The following FBF1 variants were observed in gnomAD, a reference collection of about 807,000 sequenced individuals.
FBF1 encodes Fas binding factor 1, also known as fas-binding factor 1.
Under a neutral mutation model 147.2 loss-of-function variants are expected in FBF1, and 119 were observed. The ratio of observed to expected loss-of-function variants is 0.81; its 90% CI spans 0.70 to 0.94. The LOEUF is 0.94. Ranked by LOEUF, FBF1 falls within the 40% of genes least tolerant of loss-of-function variation. The pLI is 0.00. For synonymous variants in FBF1, 601 were observed against 609.0 expected (o/e 0.99, Z 0.19); for missense variants, 1,449 against 1,500.8 (o/e 0.97, Z 0.57).
At chr17:75,915,360 CCTCAGGT>C (rs1224805518) in intron 23 of FBF1, among the ~76,000 whole-genome samples, 2 of 152,230 alleles carry the variant, frequency 1.3e-5, no homozygotes, top group Admixed American at 6.5e-5. Flanking sequence ...CCCTCCCAAC[CCTCAGGT>C]CTCCAACAGC....
In FBF1 at chr17:75,925,471, G is replaced by A. The variant is rs2144177720; in HGVS notation, c.869-25C>T. ...TCTGTGAATTAAGGAGCCTGTGACCGTGATCTGGAGTAGGGGAACCAAGCT... is the reference window on the plus strand; with the variant it reads ...TCTGTGAATTAAGGAGCCTGTGACCATGATCTGGAGTAGGGGAACCAAGCT... On this transcript the variant is annotated intron_variant, in intron 12 of 29. Transcript: ENST00000636174. This position sits in a 1 kb window ranked among gnomAD's most constrained non-coding sequence, Gnocchi z 5.0. 13 of 1,585,860 alleles carry A rather than the reference G, an allele frequency of 8.2e-6. No homozygotes were observed. Among genetic ancestry groups the A allele is most frequent in the Middle Eastern group, 1.7e-4 (1 of 5,976 alleles).
Position 75,917,931 on chromosome 17 carries a change from C to A in FBF1, c.2386G>T (p.Ala796Ser). The change falls in exon 22 of 30, where the codon GCA becomes TCA. Residue 796 changes from alanine (A) to serine (S), a missense_variant and splice_region_variant. By Grantham distance (99) the Ala-to-Ser change is moderately conservative. Coordinates refer to ENST00000636174, the MANE Select transcript of FBF1 (RefSeq NM_001319193.2). ...GIRQRDEQLR[A>S]LQERLGQQQR... Reference sequence around the variant, plus strand: ...GGGTGGCTGAGAGGGGAGGGCGTACCCCGCAGCTGCTCGTCACGCTGCCGG... The same window carrying A: ...GGGTGGCTGAGAGGGGAGGGCGTACACCGCAGCTGCTCGTCACGCTGCCGG... 3 of 1,597,980 alleles carry A rather than the reference C, an allele frequency of 1.9e-6. No homozygotes were observed. Among genetic ancestry groups the A allele is most frequent in the Non-Finnish European group, 2.6e-6 (3 of 1,171,552 alleles).
In FBF1 at chr17:75,935,685, A is replaced by G; in HGVS notation, c.32-12T>C. 6.5e-7 allele frequency: 1 copy of G among 1,536,876 alleles called. No homozygotes were observed. Among genetic ancestry groups the G allele is most frequent in the Non-Finnish European group, 8.7e-7 (1 of 1,146,726 alleles). ...ATCATCAATGGAGCCTGGAACAGAA[A>G]AGGGACTGTCATGACTTCAGGAGGA... On this transcript the variant is annotated splice_polypyrimidine_tract_variant and intron_variant, in intron 3 of 29. Coordinates refer to ENST00000636174, the MANE Select transcript of FBF1 (RefSeq NM_001319193.2).
chr17:75,910,810 C>T lies in FBF1; in HGVS notation c.3364-4G>A. 1 of 1,606,484 alleles carries T rather than the reference C, an allele frequency of 6.2e-7. No homozygotes were observed. Among genetic ancestry groups the T allele is most frequent in the Non-Finnish European group, 8.5e-7 (1 of 1,176,574 alleles). ...CATTCTCCAAGAAGTCACGGTCCTGCAAGGCAGGTTTGGATGGGCGGTCAC... is the reference window on the plus strand; with the variant it reads ...CATTCTCCAAGAAGTCACGGTCCTGTAAGGCAGGTTTGGATGGGCGGTCAC... On this transcript the variant is annotated splice_polypyrimidine_tract_variant and splice_region_variant and intron_variant, in intron 29 of 29. Transcript: ENST00000636174. This position sits in a 1 kb window ranked among gnomAD's most constrained non-coding sequence, Gnocchi z 4.1.
chr17:75,922,787 G>A lies in FBF1; in HGVS notation c.1424+399C>T, dbSNP rs1486510319. Among the ~76,000 whole-genome samples the A allele has an allele frequency of 6.6e-6, 1 of 152,208 alleles. No individual in the cohort carries two copies. Among genetic ancestry groups the A allele is most frequent in the Non-Finnish European group, 1.5e-5 (1 of 68,042 alleles). On this transcript the variant is annotated intron_variant, in intron 14 of 29. Transcript: ENST00000636174. The surrounding 1 kb of genome is among the most constrained non-coding windows in gnomAD (Gnocchi z 5.0). ...CACAGGGACATCTCAGCTCACACAC[G>A]CCATACTCGCTTCAGTGGAGTCGGC...
rs370693566 is a variant in FBF1 at position 75,920,296 on chromosome 17, C to T, written c.1808G>A (p.Arg603Gln). 13 of 1,610,874 alleles carry T rather than the reference C, an allele frequency of 8.1e-6. No individual in the cohort carries two copies. The highest frequency in any genetic ancestry group is 5.3e-5 in the African/African-American group (4 of 75,028). Reference sequence around the variant, plus strand: ...CACCTGGGCCTCCAGCTCTGCCAGCCGGGCCTGGCTATGCAGCAGCTCGGC... The same window carrying T: ...CACCTGGGCCTCCAGCTCTGCCAGCTGGGCCTGGCTATGCAGCAGCTCGGC... ...LQAELLHSQARLAELEAQVRK... is the reference protein window; with the variant it reads ...LQAELLHSQAQLAELEAQVRK... Residue 603 changes from arginine to glutamine, a missense_variant, in exon 18 of 30, where the codon CGG (arginine) becomes CAG (glutamine). Physicochemically the swap from Arg to Gln is conservative, Grantham distance 43. Transcript: ENST00000636174.
At chr17:75,912,067 T>C in intron 29 of FBF1, 125 bp downstream of exon 29, 1 of 871,972 alleles carries the variant, frequency 1.1e-6, no homozygotes, top group Non-Finnish European at 1.8e-6. Context: ...CTAAGCAAAC[T>C]GCAGTTTTAC....
In FBF1 at chr17:75,923,005, AG is replaced by A. The variant is rs926129743; in HGVS notation, c.1424+180del. ...TCCCTGGGGCAAGCCTGGGAGCCAGAGGCTCTCTCTGCAGTGCCTAAAAGGC... is the reference window on the plus strand; with the variant it reads ...TCCCTGGGGCAAGCCTGGGAGCCAGAGCTCTCTCTGCAGTGCCTAAAAGGC... On this transcript the variant is annotated intron_variant, in intron 14 of 29. Coordinates refer to ENST00000636174, the MANE Select transcript of FBF1 (RefSeq NM_001319193.2). This position sits in a 1 kb window ranked among gnomAD's most constrained non-coding sequence, Gnocchi z 4.1. 2.3e-4 allele frequency among the ~76,000 whole-genome samples: 35 copies of A among 152,362 alleles called. No individual in the cohort carries two copies. The highest frequency in any genetic ancestry group is 7.7e-4 in the African/African-American group (32 of 41,590).
chr17:75,914,881 G>A lies in FBF1; in HGVS notation c.2680C>T (p.Arg894Trp), dbSNP rs1292115087. ...KSVMLKCGEE[R>W]RRLAAEWAEF... ...GCCCACTCGGCAGCCAGGCGCCGCC[G>A]CTCCTCCCCGCACTTGAGCATGACA... is the stretch of plus-strand genomic sequence containing the variant. Residue 894 changes from arginine (R) to tryptophan (W), a missense_variant, in exon 25 of 30, where the codon CGG (arginine) becomes TGG (tryptophan). Transcript: ENST00000636174. 1.2e-6 allele frequency: 2 copies of A among 1,608,100 alleles called. No individual in the cohort carries two copies. The highest frequency in any genetic ancestry group is 1.7e-6 in the Non-Finnish European group (2 of 1,177,374).
Sources: allele counts gnomAD v4.1 joint callset (sites outside exome capture counted in the v4.1 genomes callset), GRCh38; gene constraint gnomAD v4.1.1; non-coding constraint Gnocchi (gnomAD v3.1); transcripts MANE v1.5; gene names NCBI Gene and HGNC (gene_info 2026-07-23, HGNC 2026-07-21).